The following ZNF248 variants were observed in gnomAD, a reference collection of about 807,000 sequenced individuals.
The protein encoded by ZNF248 is KRAB protein domain.
Under a neutral mutation model 44.3 loss-of-function variants are expected in ZNF248, and 20 were observed. The observed-to-expected ratio is 0.45, with a 90% confidence interval of 0.32 to 0.66. The LOEUF is 0.66. ZNF248 is among the 30% of genes least tolerant of loss of function. The pLI is 0.04. For missense variants in ZNF248, 654 were observed against 677.0 expected (o/e 0.97, Z 0.38); for synonymous variants, 224 against 229.0 (o/e 0.98, Z 0.20).
At chr10:37,777,807 T>C (rs1193759346) in intron 6 of ZNF248, among the ~76,000 whole-genome samples, 8 of 151,926 alleles carry the variant, frequency 5.3e-5, no homozygotes, top group South Asian at 2.1e-4. Context: ...GTTCTTGCGA[T>C]AATTTACTGA....
the ZNF248 span, among the ~76,000 whole-genome samples, chr10:37,770,599 T>C: frequency 6.6e-6 from 1 of 152,296 alleles, no homozygotes; most frequent in South Asian, 2.1e-4. Context: ...ATCCCTTCCT[T>C]ACACCTTATA....
intron 1 of ZNF248, chr10:37,856,798 T>C (rs2061373398): frequency 1.1e-6 from 1 of 890,008 alleles, no homozygotes; most frequent in African/African-American, 1.8e-5. Flanking sequence ...AAGGATCTTT[T>C]AATGAGAAAC....
chr10:37,818,538 C>T (rs2052921697), intron 6 of ZNF248: 1 of 324,130 alleles, frequency 3.1e-6, no homozygotes, highest in Non-Finnish European at 6.0e-6. Flanking sequence ...ACGTTCCAAA[C>T]CTGCTGCTAA....
intron 6 of ZNF248, among the ~76,000 whole-genome samples, chr10:37,810,150 T>C (rs1260786963): frequency 6.6e-6 from 1 of 152,194 alleles, no homozygotes; most frequent in Non-Finnish European, 1.5e-5. Context: ...TTAACCTTGA[T>C]TGAACTGCAA....
chr10:37,765,276 A>G, the ZNF248 span, among the ~76,000 whole-genome samples: 1 of 152,292 alleles, frequency 6.6e-6, no homozygotes, highest in Non-Finnish European at 1.5e-5. Flanking sequence ...CTCTAATGAT[A>G]TAAATTCCTT....
chr10:37,768,928 G>A, the ZNF248 span, among the ~76,000 whole-genome samples: 2 of 152,140 alleles, frequency 1.3e-5, no homozygotes, highest in Non-Finnish European at 1.5e-5. Context: ...AATAAAAAAT[G>A]ATAAAGGGGA....
chr10:37,797,227 A>G (rs1208709), intron 6 of ZNF248, among the ~76,000 whole-genome samples: 9,128 of 152,256 alleles, frequency 0.06, 353 homozygotes, highest in Middle Eastern at 0.095. Flanking sequence ...TTAAACAAAG[A>G]TCTAGATATG....
chr10:37,778,585 G>A (rs2132830886), intron 6 of ZNF248, among the ~76,000 whole-genome samples: 1 of 152,148 alleles, frequency 6.6e-6, no homozygotes, highest in African/African-American at 2.4e-5. Context: ...CATTGCTTTT[G>A]GTGTCTTAGA....
At chr10:37,813,690 A>T (rs2051940589) in intron 6 of ZNF248, among the ~76,000 whole-genome samples, 1 of 152,130 alleles carries the variant, frequency 6.6e-6, no homozygotes, top group South Asian at 2.1e-4. Flanking sequence ...GTTATTGGTA[A>T]GTCTTCTGGT....
At chr10:37,851,768 CAAAAAA>C (rs57501241) in intron 3 of ZNF248, among the ~76,000 whole-genome samples, 1 of 32,062 alleles carries the variant, frequency 3.1e-5, no homozygotes, top group South Asian at 1.5e-3. Flanking sequence ...TCAGAATGAC[CAAAAAA>C]AAAAAAAAAA....
intron 6 of ZNF248, among the ~76,000 whole-genome samples, chr10:37,812,917 T>C (rs1407673088): frequency 6.6e-6 from 1 of 150,872 alleles, no homozygotes; most frequent in African/African-American, 2.4e-5. Context: ...CCCAAAACAA[T>C]AAATTCCTTC....
intron 3 of ZNF248, among the ~76,000 whole-genome samples, chr10:37,843,423 CAAA>C (rs530114229): frequency 5.8e-5 from 4 of 69,330 alleles, no homozygotes; most frequent in African/African-American, 1.2e-4. Context: ...GACTCTGCCT[CAAA>C]AAAAAAAAAA....
chr10:37,834,896 G>A (rs890922617), intron 5 of ZNF248, among the ~76,000 whole-genome samples: 1 of 152,082 alleles, frequency 6.6e-6, no homozygotes, highest in African/African-American at 2.4e-5. Context: ...AAATTTTAGG[G>A]AGCAGAAACA....
At chr10:37,818,976 A>C in intron 6 of ZNF248, 1 of 1,052,806 alleles carries the variant, frequency 9.5e-7, no homozygotes, top group Non-Finnish European at 1.5e-6. Flanking sequence ...TCTCAACCAC[A>C]AAACTCTGGT....
At chr10:37,806,156 G>A (rs1589259105) in intron 6 of ZNF248, among the ~76,000 whole-genome samples, 1 of 152,180 alleles carries the variant, frequency 6.6e-6, no homozygotes. Flanking sequence ...TGTGAATAAT[G>A]CTGCCATAAA....
chr10:37,828,712 A>C (rs1037879946), downstream of ZNF248: 3 of 985,384 alleles, frequency 3.0e-6, no homozygotes, highest in Admixed American at 1.2e-4. Flanking sequence ...ATTTAAGTAC[A>C]TAATAAAAAT....
chr10:37,849,811 G>A (rs1168613158), intron 3 of ZNF248, among the ~76,000 whole-genome samples: 2 of 152,060 alleles, frequency 1.3e-5, no homozygotes, highest in South Asian at 2.1e-4. Flanking sequence ...AGTGGTTCAC[G>A]CCTGTAATCC....
the ZNF248 span, among the ~76,000 whole-genome samples, chr10:37,766,508 C>G: frequency 6.6e-5 from 10 of 152,310 alleles, no homozygotes; most frequent in East Asian, 1.9e-3. Context: ...GATACCCAGG[C>G]AAACAGGGTC....
At chr10:37,795,763 T>C (rs1306305968) in intron 6 of ZNF248, 1 of 152,232 alleles carries the variant, frequency 6.6e-6, no homozygotes, top group African/African-American at 2.4e-5. Context: ...AATTCTGAAA[T>C]ATATTTCAAA....
Sources: allele counts gnomAD v4.1 joint callset (sites outside exome capture counted in the v4.1 genomes callset), GRCh38; gene constraint gnomAD v4.1.1; transcripts MANE v1.5; gene names NCBI Gene and HGNC (gene_info 2026-07-23, HGNC 2026-07-21).